Variants in TMTC1 observed in about 807,000 individuals in gnomAD.
TMTC1 encodes the protein protein O-mannosyl-transferase TMTC1.
Under a neutral mutation model 104.8 loss-of-function variants are expected in TMTC1, and 73 were observed. The observed-to-expected ratio is 0.70, with a 90% CI of 0.58 to 0.85. The LOEUF is 0.85. Among genes scored for constraint, TMTC1 ranks in the 40% least tolerant of loss-of-function variants. TMTC1 has a pLI of 0.00. For missense variants in TMTC1, 1,035 were observed against 1,096.1 expected (o/e 0.94, Z 0.79); for synonymous variants, 434 against 428.7 (o/e 1.01, Z -0.15).
At chr12:29,694,573 G>GAT (rs59686349) in intron 5 of TMTC1, among the ~76,000 whole-genome samples, 2,522 of 151,954 alleles carry the variant, frequency 0.017, 81 homozygotes, top group African/African-American at 0.057. Flanking sequence ...GAAATCCACG[G>GAT]ATATGGAAGG....
intron 1 of TMTC1, among the ~76,000 whole-genome samples, chr12:29,770,900 C>T (rs1002105671): frequency 6.6e-6 from 1 of 151,926 alleles, no homozygotes; most frequent in Non-Finnish European, 1.5e-5. Context: ...CACTGATTAA[C>T]CTCATAATTT....
intron 10 of TMTC1, among the ~76,000 whole-genome samples, chr12:29,549,265 A>C (rs1400796325): frequency 2.0e-5 from 3 of 151,936 alleles, no homozygotes; most frequent in Admixed American, 2.0e-4. Flanking sequence ...AATTGTGCTA[A>C]ATGAAAATAT....
At chr12:29,770,800 T>C (rs947529600) in intron 1 of TMTC1, among the ~76,000 whole-genome samples, 8 of 152,130 alleles carry the variant, frequency 5.3e-5, no homozygotes, top group Non-Finnish European at 7.4e-5. Context: ...GACAAAATGC[T>C]AACGAAAGCT....
At chr12:29,521,256 G>A (rs1386005486) in intron 11 of TMTC1, among the ~76,000 whole-genome samples, 1 of 152,220 alleles carries the variant, frequency 6.6e-6, no homozygotes, top group Non-Finnish European at 1.5e-5. Flanking sequence ...GGAGGCAGAT[G>A]CAGATGTTGG....
At chr12:29,664,165 C>T (rs974927125) in intron 5 of TMTC1, among the ~76,000 whole-genome samples, 12 of 146,420 alleles carry the variant, frequency 8.2e-5, no homozygotes, top group East Asian at 4.0e-4. Context: ...CCAGCCTGGG[C>T]GACAGAGCGA....
chr12:29,546,389 A>G (rs892038683), intron 10 of TMTC1, among the ~76,000 whole-genome samples: 1 of 152,164 alleles, frequency 6.6e-6, no homozygotes, highest in Middle Eastern at 3.2e-3. Flanking sequence ...ACTGGGCCCT[A>G]TATCAGGAGG....
chr12:29,541,486 T>A (rs897549770), intron 10 of TMTC1, among the ~76,000 whole-genome samples: 1 of 152,206 alleles, frequency 6.6e-6, no homozygotes, highest in African/African-American at 2.4e-5. Flanking sequence ...AAATCACCCA[T>A]TGAAACCTAT....
intron 17 of TMTC1, among the ~76,000 whole-genome samples, chr12:29,509,386 C>G (rs1943772774): frequency 6.6e-6 from 1 of 152,190 alleles, no homozygotes; most frequent in Admixed American, 6.5e-5. Flanking sequence ...TCCTCTCTCC[C>G]CCATCTCTTT....
intron 5 of TMTC1, among the ~76,000 whole-genome samples, chr12:29,664,173 C>T (rs868699543): frequency 4.8e-5 from 7 of 146,314 alleles, no homozygotes; most frequent in South Asian, 2.1e-4. Context: ...GGCGACAGAG[C>T]GAGACTCCGT....
chr12:29,662,433 C>T (rs549381074), intron 5 of TMTC1, among the ~76,000 whole-genome samples: 11 of 152,136 alleles, frequency 7.2e-5, no homozygotes, highest in African/African-American at 2.2e-4. Context: ...AGGCGGATCA[C>T]GAGGTCAGGA....
At chr12:29,642,956 C>A (rs367967475) in intron 5 of TMTC1, among the ~76,000 whole-genome samples, 6 of 150,212 alleles carry the variant, frequency 4.0e-5, no homozygotes, top group East Asian at 1.9e-4. Context: ...AACAAACAAA[C>A]AAAAAAACCC....
intron 9 of TMTC1, among the ~76,000 whole-genome samples, chr12:29,566,691 G>A (rs1258305421): frequency 6.6e-6 from 1 of 152,188 alleles, no homozygotes; most frequent in African/African-American, 2.4e-5. Flanking sequence ...TTCTGTGTGT[G>A]TTAGTCATAT....
chr12:29,628,929 TG>T (rs1172141390), intron 6 of TMTC1, among the ~76,000 whole-genome samples: 2 of 152,110 alleles, frequency 1.3e-5, no homozygotes, highest in Non-Finnish European at 2.9e-5. Context: ...CCCAAAGTGC[TG>T]GGGTTACAGG....
chr12:29,756,375 A>G (rs1031245129), intron 3 of TMTC1, among the ~76,000 whole-genome samples: 2 of 152,204 alleles, frequency 1.3e-5, no homozygotes, highest in African/African-American at 4.8e-5. Flanking sequence ...TCACACATCA[A>G]GTGTGTATCA....
At chr12:29,533,940 T>C (rs1426919152) in intron 11 of TMTC1, 2 of 152,110 alleles carry the variant, frequency 1.3e-5, no homozygotes, top group African/African-American at 4.8e-5. Flanking sequence ...CTTTTTGGCA[T>C]GACACTGACC....
chr12:29,661,289 T>G (rs2136643402), intron 5 of TMTC1: 1 of 870,900 alleles, frequency 1.1e-6, no homozygotes, highest in East Asian at 1.2e-4. Flanking sequence ...AGGGATAATC[T>G]TAAACAAAAT....
chr12:29,662,304 G>A (rs150024679), intron 5 of TMTC1, among the ~76,000 whole-genome samples: 1 of 152,218 alleles, frequency 6.6e-6, no homozygotes, highest in African/African-American at 2.4e-5. Flanking sequence ...AAATCCTTTT[G>A]TAAAAACCAG....
At chr12:29,782,591 T>C (rs1243532586) in intron 1 of TMTC1, among the ~76,000 whole-genome samples, 1 of 152,236 alleles carries the variant, frequency 6.6e-6, no homozygotes, top group African/African-American at 2.4e-5. Context: ...TTGTGTAAGA[T>C]AGCATTTCCC....
intron 5 of TMTC1, among the ~76,000 whole-genome samples, chr12:29,651,664 A>G (rs566340117): frequency 6.6e-6 from 1 of 152,268 alleles, no homozygotes; most frequent in Admixed American, 6.5e-5. Context: ...AAAAAATTAA[A>G]CCTTTTCATG....
Sources: allele counts gnomAD v4.1 joint callset (sites outside exome capture counted in the v4.1 genomes callset), GRCh38; gene constraint gnomAD v4.1.1; transcripts MANE v1.5; gene names NCBI Gene and HGNC (gene_info 2026-07-23, HGNC 2026-07-21).